The following RERE variants were observed in gnomAD, a reference collection of about 807,000 sequenced individuals.
RERE encodes arginine-glutamic acid dipeptide repeats protein.
Under a neutral mutation model 146.1 loss-of-function variants are expected in RERE, and 40 were observed. That is an observed-to-expected ratio of 0.27 (90% CI 0.21 to 0.36). The LOEUF is 0.36. Among genes scored for constraint, RERE ranks in the 10% least tolerant of loss-of-function variants. RERE has a pLI of 1.00. For missense variants in RERE, 1,933 were observed against 2,138.7 expected (o/e 0.90, Z 1.90); for synonymous variants, 1,003 against 866.0 (o/e 1.16, Z -2.78).
At position 8,361,310 on chromosome 1, in the gene RERE, T is replaced by C. The variant is rs868258421; in HGVS notation, c.2197A>G (p.Met733Val). The C allele has an allele frequency of 5.6e-6, 9 of 1,610,718 alleles. No homozygotes were observed. Among genetic ancestry groups the C allele is most frequent in the Middle Eastern group, 1.6e-4 (1 of 6,066 alleles). The change falls in exon 18 of 23, where the codon ATG becomes GTG. Residue 733 changes from methionine to valine, a missense_variant. By Grantham distance (21) the Met-to-Val change is conservative. Transcript: ENST00000400908. ...SDSDSSAQQQ[M>V]LQAQPPALQA... The stretch of plus-strand genomic sequence containing the variant: ...AAGGCTGGGGGCTGGGCCTGCAGCA[T>C]CTGCTGCTGGGCTGACGAGTCCGAG...
In RERE at chr1:8,480,123, T is replaced by C. The variant is rs542692936; in HGVS notation, c.1105-14100A>G. ...GAATATATGATTTTATTAAAGCCTT[T>C]TTTTGTTTTTTTTTTTTTTGTTTTT... On this transcript the variant is annotated intron_variant, in intron 10 of 22. Transcript: ENST00000400908. 1.4e-3 allele frequency among the ~76,000 whole-genome samples: 66 copies of C among 47,296 alleles called. No homozygotes were observed. The East Asian group carries it at 0.068, about 49-fold the overall frequency. The allele number at this position is 47,296 out of a possible 152,430, so 31.0% of individuals were successfully genotyped here. A position where few individuals can be genotyped will look rare whatever the true frequency, so the allele number is the denominator to read the frequency against.
At chr1:8,814,983 C>G (rs969988617) in intron 1 of RERE, among the ~76,000 whole-genome samples, 1 of 152,204 alleles carries the variant, frequency 6.6e-6, no homozygotes, top group Admixed American at 6.5e-5. Flanking sequence ...TGCAGAAAGG[C>G]ACAACAACTG....
chr1:8,729,159 G>A (rs1484365381), intron 1 of RERE, among the ~76,000 whole-genome samples: 3 of 142,294 alleles, frequency 2.1e-5, no homozygotes, highest in South Asian at 4.5e-4. Flanking sequence ...ACAAGAGTGA[G>A]ACTCCATCTC....
chr1:8,449,507 A>T (rs1471799571), intron 11 of RERE, among the ~76,000 whole-genome samples: 8 of 152,234 alleles, frequency 5.3e-5, no homozygotes, highest in African/African-American at 1.9e-4. Context: ...CCAAAATGTC[A>T]TGAAAAAACT....
At chr1:8,559,881 A>G (rs1646057771) in intron 4 of RERE, among the ~76,000 whole-genome samples, 1 of 152,142 alleles carries the variant, frequency 6.6e-6, no homozygotes, top group Admixed American at 6.5e-5. Flanking sequence ...GCAGCAAGGG[A>G]CAAATCGCCA....
At chr1:8,452,799 C>T (rs1557639271) in intron 11 of RERE, among the ~76,000 whole-genome samples, 1 of 152,168 alleles carries the variant, frequency 6.6e-6, no homozygotes, top group Non-Finnish European at 1.5e-5. Flanking sequence ...ATTTAATTAT[C>T]CAGAAACAGA....
intron 12 of RERE, among the ~76,000 whole-genome samples, chr1:8,411,928 T>C (rs1438857549): frequency 6.6e-6 from 1 of 152,092 alleles, no homozygotes; most frequent in African/African-American, 2.4e-5. Flanking sequence ...AAATTACAGA[T>C]TCTCGCCAAA....
chr1:8,651,295 A>G (rs1647618481), intron 2 of RERE, among the ~76,000 whole-genome samples: 1 of 152,108 alleles, frequency 6.6e-6, no homozygotes. Context: ...CTGTAGTCCT[A>G]GCTACTCAAG....
Position 8,465,936 on chromosome 1 carries a change from C to T in RERE, c.1192G>A (p.Glu398Lys), listed in dbSNP as rs1644590525. 1.2e-6 allele frequency: 2 copies of T among 1,613,978 alleles called. No homozygotes were observed. Among genetic ancestry groups the T allele is most frequent in the Non-Finnish European group, 1.7e-6 (2 of 1,179,962 alleles). The change falls in exon 11 of 23, where the codon GAG (glutamate) becomes AAG (lysine). Residue 398 changes from glutamate to lysine, a missense_variant. Glu to Lys is a moderately conservative substitution (Grantham distance 56). Around this residue, in one of 11 missense-constraint regions of RERE, gnomAD observed 260 missense variants for 378.4 expected, o/e 0.69. Coordinates refer to ENST00000400908, the MANE Select transcript of RERE (RefSeq NM_001042681.2). ...TGGTTCCTGCTCACCACTTCGTCCT[C>T]GGTCCAGCACTTCTCGATGAGCTTG... The part of the protein sequence containing the change: ...VPKLIEKCWT[E>K]DEVKRFVKGL...
chr1:8,770,800 T>C (rs1640933184), intron 1 of RERE, among the ~76,000 whole-genome samples: 2 of 152,232 alleles, frequency 1.3e-5, no homozygotes, highest in Non-Finnish European at 1.5e-5. Flanking sequence ...TGTAAAAATA[T>C]TCACAGGTTT....
chr1:8,698,987 T>C (rs1042256512), intron 1 of RERE, among the ~76,000 whole-genome samples: 5 of 152,234 alleles, frequency 3.3e-5, no homozygotes, highest in Admixed American at 3.3e-4. Context: ...GGTGCAATCA[T>C]GGCTCACTAA....
intron 4 of RERE, among the ~76,000 whole-genome samples, chr1:8,579,719 T>G (rs781519574): frequency 5.3e-5 from 8 of 152,238 alleles, no homozygotes; most frequent in Non-Finnish European, 8.8e-5. Context: ...AACTACTGCC[T>G]AAGGCGGGGC....
At chr1:8,420,221 T>C (rs774461443) in intron 12 of RERE, among the ~76,000 whole-genome samples, 1 of 152,076 alleles carries the variant, frequency 6.6e-6, no homozygotes, top group Non-Finnish European at 1.5e-5. Context: ...ATCCCAGCTA[T>C]TCAGGGGAGG....
intron 8 of RERE, among the ~76,000 whole-genome samples, chr1:8,499,246 G>A (rs1452298948): frequency 1.3e-5 from 2 of 152,180 alleles, no homozygotes; most frequent in African/African-American, 2.4e-5. Flanking sequence ...AATGCAGCAG[G>A]CTGAATATAA....
intron 4 of RERE, among the ~76,000 whole-genome samples, chr1:8,607,430 G>A (rs546497277): frequency 1.4e-4 from 20 of 146,020 alleles, no homozygotes; most frequent in Non-Finnish European, 3.0e-4. Context: ...GTTAGAATAA[G>A]TAAAACCACA....
intron 1 of RERE, among the ~76,000 whole-genome samples, chr1:8,780,992 T>C (rs1003851470): frequency 6.6e-6 from 1 of 151,012 alleles, no homozygotes; most frequent in African/African-American, 2.4e-5. Flanking sequence ...GAGGCCAAGG[T>C]AGAAGAATCA....
intron 1 of RERE, among the ~76,000 whole-genome samples, chr1:8,717,384 G>A (rs1243482373): frequency 6.6e-6 from 1 of 152,198 alleles, no homozygotes; most frequent in Non-Finnish European, 1.5e-5. Flanking sequence ...TAATGCCATT[G>A]TTTTGTCAAT....
chr1:8,648,254 T>A (rs983213183), intron 2 of RERE, among the ~76,000 whole-genome samples: 1 of 152,202 alleles, frequency 6.6e-6, no homozygotes, highest in Non-Finnish European at 1.5e-5. Context: ...GTTTTTGCGA[T>A]GGGGTCTCAC....
At chr1:8,368,939 C>T (rs1355105972) in intron 12 of RERE, among the ~76,000 whole-genome samples, 1 of 152,026 alleles carries the variant, frequency 6.6e-6, no homozygotes, top group East Asian at 1.9e-4. Flanking sequence ...GTGGTGTGCA[C>T]CGGCAGTCCC....
Sources: gnomAD v4.1 joint callset for allele counts (sites outside exome capture counted in the v4.1 genomes callset) on GRCh38, gnomAD v4.1.1 for gene constraint, gnomAD v4.1.1 regional missense constraint, MANE v1.5 for transcripts, NCBI Gene and HGNC (gene_info 2026-07-23, HGNC 2026-07-21) for gene names.